SPAG1: variants seen among roughly 807,000 people sequenced by gnomAD.
The protein encoded by SPAG1 is sperm-associated antigen 1.
A neutral mutation model predicts 100.5 loss-of-function variants in SPAG1; 69 were observed. The observed-to-expected ratio is 0.69, with a 90% CI of 0.57 to 0.84. The LOEUF (loss-of-function observed/expected upper bound fraction) is 0.84. Among genes scored for constraint, SPAG1 ranks in the 40% least tolerant of loss-of-function variants. SPAG1 has a pLI of 0.00. For synonymous variants in SPAG1, 336 were observed against 411.6 expected, an observed-to-expected ratio of 0.82 and a Z score of 2.22; for missense variants, 955 against 1,133.1, an observed-to-expected ratio of 0.84 and a Z score of 2.26.
chr8:100,197,781 G>T (rs1049738995), intron 10 of SPAG1, among the ~76,000 whole-genome samples: 1 of 152,150 alleles, frequency 6.6e-6, no homozygotes, highest in Non-Finnish European at 1.5e-5. Context: ...CATCCCGACT[G>T]GGGTATAACA....
intron 3 of SPAG1, among the ~76,000 whole-genome samples, chr8:100,168,909 A>G (rs1265176373): frequency 6.6e-6 from 1 of 150,964 alleles, no homozygotes; most frequent in Non-Finnish European, 1.5e-5. Flanking sequence ...CTGGTCTCGA[A>G]CTCCCAACCT....
intron 10 of SPAG1, among the ~76,000 whole-genome samples, chr8:100,201,756 TC>T (rs1393113767): frequency 6.6e-6 from 1 of 152,024 alleles, no homozygotes; most frequent in Non-Finnish European, 1.5e-5. Flanking sequence ...CCAGAGAGGG[TC>T]CTGCCACATA....
chr8:100,169,048 C>CT (rs1044753480), intron 3 of SPAG1, among the ~76,000 whole-genome samples: 5 of 151,674 alleles, frequency 3.3e-5, no homozygotes, highest in African/African-American at 9.7e-5. Flanking sequence ...TTGATGAAAT[C>CT]TTTTTTTTAT....
chr8:100,195,221 A>T (rs1816985573), intron 10 of SPAG1, among the ~76,000 whole-genome samples: 1 of 151,994 alleles, frequency 6.6e-6, no homozygotes. Flanking sequence ...AGAACACCTG[A>T]GCAACTGGCA....
chr8:100,202,433 G>A (rs1244408184), intron 10 of SPAG1, among the ~76,000 whole-genome samples: 7 of 151,718 alleles, frequency 4.6e-5, no homozygotes, highest in African/African-American at 1.7e-4. Context: ...TGGCCAGGCC[G>A]GGCGCGGTGG....
intron 14 of SPAG1, among the ~76,000 whole-genome samples, chr8:100,230,660 G>C (rs1000227162): frequency 2.6e-5 from 4 of 152,174 alleles, no homozygotes; most frequent in African/African-American, 9.7e-5. Flanking sequence ...TTTCGCTCTT[G>C]TTGCCCAGGC....
In SPAG1 at chr8:100,208,923, A is replaced by G. The variant is rs569846721; in HGVS notation, c.1097-4167A>G. Among the ~76,000 whole-genome samples the G allele has an allele frequency of 1.1e-4, 16 of 152,234 alleles. No homozygotes were observed. The South Asian group carries it at 3.3e-3, about 32-fold the overall frequency. Reference sequence around the variant, plus strand: ...TTGACAAGGGGTGGTTGAAATGGTTAATACTGAGTGTCAACTTGATTGGAT... The same window carrying G: ...TTGACAAGGGGTGGTTGAAATGGTTGATACTGAGTGTCAACTTGATTGGAT... On this transcript the variant is annotated intron_variant, in intron 10 of 18. Transcript: ENST00000388798.
At chr8:100,164,749 TA>T (rs1815474503) in intron 2 of SPAG1, among the ~76,000 whole-genome samples, 1 of 152,214 alleles carries the variant, frequency 6.6e-6, no homozygotes, top group Non-Finnish European at 1.5e-5. Context: ...TATAGTTAAC[TA>T]TTCATTGATA....
chr8:100,228,824 A>G (rs991132857), intron 14 of SPAG1, among the ~76,000 whole-genome samples: 5 of 152,142 alleles, frequency 3.3e-5, no homozygotes, highest in Non-Finnish European at 7.4e-5. Flanking sequence ...TTATATATCA[A>G]ATTATTCCAT....
intron 10 of SPAG1, among the ~76,000 whole-genome samples, chr8:100,208,380 A>G (rs1173074854): frequency 6.6e-6 from 1 of 152,178 alleles, no homozygotes; most frequent in African/African-American, 2.4e-5. Flanking sequence ...TAGTATTACC[A>G]TGCCCTCTGA....
chr8:100,200,068 G>T (rs1817206386), intron 10 of SPAG1, among the ~76,000 whole-genome samples: 3 of 152,012 alleles, frequency 2.0e-5, no homozygotes, highest in African/African-American at 7.2e-5. Context: ...ATTTACATTA[G>T]GTATATCTCC....
chr8:100,162,399 A>C lies in SPAG1; in HGVS notation c.119A>C (p.Glu40Ala). The change falls in exon 2 of 19, where the codon GAA becomes GCA. Residue 40 changes from glutamate to alanine, a missense_variant. By Grantham distance (107) the Glu-to-Ala change is moderately radical (BLOSUM62 -1). Transcript: ENST00000388798. ...AAATGTTCAGATGTTAAACATCTGG[A>C]AAAAATTCTTTGCGTGCTCAGGTAA... ...IEKCSDVKHL[E>A]KILCVLRSGE... The C allele has an allele frequency of 6.3e-7, 1 of 1,582,512 alleles. No homozygotes were observed. The highest frequency in any genetic ancestry group is 8.5e-7 in the Non-Finnish European group (1 of 1,170,324).
Position 100,213,190 on chromosome 8 carries a change from G to A in SPAG1, c.1197G>A (p.Pro399=), listed in dbSNP as rs1237455921. The stretch of plus-strand genomic sequence containing the variant: ...GCAAAGCCGAAGGCGGCAAGCGGCC[G>A]GCAAGGGGCGCGCCGCAGCGGGGCC... The part of the protein sequence containing the change: ...LTGKAEGGKR[P]ARGAPQRGQT... The change falls in exon 11 of 19, where the codon CCG becomes CCA. Residue 399 remains proline (P), a synonymous_variant. Coordinates refer to ENST00000388798, the MANE Select transcript of SPAG1 (RefSeq NM_003114.5). The A allele has an allele frequency of 2.0e-6, 3 of 1,466,838 alleles. No homozygotes were observed. Among genetic ancestry groups the A allele is most frequent in the African/African-American group, 2.9e-5 (2 of 68,066 alleles). The allele number at this position is 1,466,838 out of a possible 1,614,324, so 90.9% of individuals were successfully genotyped here.
intron 12 of SPAG1, among the ~76,000 whole-genome samples, chr8:100,216,498 G>C (rs1398823724): frequency 2.0e-5 from 3 of 152,188 alleles, no homozygotes; most frequent in Non-Finnish European, 1.5e-5. Context: ...TGTCCAGGGT[G>C]GCTAGAGTAG....
At chr8:100,240,376 C>A (rs1179365306) in intron 17 of SPAG1, 27 bp from the exon 18 acceptor site, 2 of 1,556,710 alleles carry the variant, frequency 1.3e-6, no homozygotes, top group South Asian at 1.2e-5. Flanking sequence ...TTCAGTGTCA[C>A]AATGCATTTT....
intron 13 of SPAG1, among the ~76,000 whole-genome samples, chr8:100,222,970 T>C (rs965249561): frequency 6.6e-6 from 1 of 152,182 alleles, no homozygotes; most frequent in Non-Finnish European, 1.5e-5. Flanking sequence ...CTGTGTTCTG[T>C]CTCTACGGGT....
intron 14 of SPAG1, among the ~76,000 whole-genome samples, chr8:100,229,161 A>G (rs1261859457): frequency 6.6e-6 from 1 of 151,616 alleles, no homozygotes; most frequent in African/African-American, 2.4e-5. Flanking sequence ...TAATCACAGC[A>G]CTTTGGGAGG....
chr8:100,228,566 A>G (rs568091920), intron 14 of SPAG1, among the ~76,000 whole-genome samples: 70 of 152,140 alleles, frequency 4.6e-4, no homozygotes, highest in Middle Eastern at 3.4e-3. Context: ...TACAAAAATT[A>G]GCTGAGCATG....
At chr8:100,173,152 C>T (rs1192040563) in intron 3 of SPAG1, among the ~76,000 whole-genome samples, 1 of 148,174 alleles carries the variant, frequency 6.7e-6, no homozygotes, top group African/African-American at 2.5e-5. Context: ...AAGTGATCCT[C>T]CTGATTCTCC....
Sources: gnomAD v4.1 joint callset for allele counts (sites outside exome capture counted in the v4.1 genomes callset) on GRCh38, gnomAD v4.1.1 for gene constraint, MANE v1.5 for transcripts, NCBI Gene and HGNC (gene_info 2026-07-23, HGNC 2026-07-21) for gene names.